GHR: variants seen among roughly 807,000 people sequenced by gnomAD.
GHR encodes GH receptor.
A neutral mutation model predicts 67.1 loss-of-function variants in GHR; 35 were observed. The ratio of observed to expected loss-of-function variants is 0.52; its 90% confidence interval spans 0.40 to 0.69. The LOEUF (loss-of-function observed/expected upper bound fraction) is 0.69. Ranked by LOEUF, GHR falls within the 30% of genes least tolerant of loss-of-function variation. The probability of loss-of-function intolerance (pLI) is 0.00; values close to 1 mark genes in which losing one functional copy is unlikely to be tolerated. For missense variants in GHR, 792 were observed against 764.6 expected, an observed-to-expected ratio of 1.04 and a Z score of -0.42; for synonymous variants, 272 against 269.1, an observed-to-expected ratio of 1.01 and a Z score of -0.10.
intron 1 of GHR, among the ~76,000 whole-genome samples, chr5:42,489,965 C>G (rs1746044094): frequency 6.6e-6 from 1 of 151,950 alleles, no homozygotes. Flanking sequence ...AAAACAATTT[C>G]AGTAGATTCT....
chr5:42,525,174 C>T (rs1320393870), intron 1 of GHR, among the ~76,000 whole-genome samples: 3 of 152,150 alleles, frequency 2.0e-5, no homozygotes, highest in Non-Finnish European at 2.9e-5. Context: ...CTGGAAAAGC[C>T]GCAGTCACTC....
chr5:42,616,371 T>G (rs1044835972), intron 2 of GHR, among the ~76,000 whole-genome samples: 2 of 151,994 alleles, frequency 1.3e-5, no homozygotes, highest in African/African-American at 4.8e-5. Flanking sequence ...TTAAATGAGT[T>G]GGAAGGAGTT....
chr5:42,659,297 T>C (rs2112854016), intron 3 of GHR: 1 of 152,322 alleles, frequency 6.6e-6, no homozygotes, highest in South Asian at 2.1e-4. Context: ...AAAGACTGTG[T>C]TCTTTCTGCT....
chr5:42,534,962 C>T (rs1748191894), intron 1 of GHR, among the ~76,000 whole-genome samples: 1 of 151,766 alleles, frequency 6.6e-6, no homozygotes, highest in Non-Finnish European at 1.5e-5. Flanking sequence ...TGTATATCTT[C>T]TTTTGAGAAT....
At chr5:42,553,409 C>T (rs533250135) in intron 1 of GHR, among the ~76,000 whole-genome samples, 1 of 152,286 alleles carries the variant, frequency 6.6e-6, no homozygotes, top group South Asian at 2.1e-4. Flanking sequence ...CATTGCATCT[C>T]ATGGTTTCTG....
chr5:42,481,922 G>T (rs1270052431), intron 1 of GHR, among the ~76,000 whole-genome samples: 1 of 152,008 alleles, frequency 6.6e-6, no homozygotes. Flanking sequence ...TCCATTGCTG[G>T]TGAGGAGCTG....
At chr5:42,427,539 G>A (rs1178199485) in intron 1 of GHR, among the ~76,000 whole-genome samples, 1 of 152,178 alleles carries the variant, frequency 6.6e-6, no homozygotes, top group Admixed American at 6.5e-5. Flanking sequence ...CATTTGGGTG[G>A]AGACAAAGCC....
At chr5:42,612,181 A>G (rs935858342) in intron 2 of GHR, among the ~76,000 whole-genome samples, 4 of 152,248 alleles carry the variant, frequency 2.6e-5, no homozygotes, top group African/African-American at 9.6e-5. Context: ...TCTTTCTGAC[A>G]TTTGTCTGAA....
chr5:42,587,386 G>A (rs1379853394), intron 2 of GHR, among the ~76,000 whole-genome samples: 2 of 152,160 alleles, frequency 1.3e-5, no homozygotes, highest in Non-Finnish European at 2.9e-5. Flanking sequence ...TTGGTAACTT[G>A]GGAGGTTTTC....
intron 1 of GHR, among the ~76,000 whole-genome samples, chr5:42,527,770 C>G (rs1488088485): frequency 6.6e-6 from 1 of 152,156 alleles, no homozygotes. Flanking sequence ...CTCATCACCA[C>G]GTGGCACATA....
rs79318811 is a variant in GHR, at chr5:42,652,762, C to T, written c.136+23659C>T. ...GGTAGGTACTGTTATCCCTCTTTAA[C>T]AGATAAAGAGACTGAGGCACAAGGA... is the stretch of plus-strand genomic sequence containing the variant. On this transcript the variant is annotated intron_variant, in intron 3 of 9. Transcript: ENST00000230882. 2.6e-3 allele frequency among the ~76,000 whole-genome samples: 395 copies of T among 152,240 alleles called. 2 individuals are homozygous for T. The highest frequency in any genetic ancestry group is 9.2e-3 in the African/African-American group (382 of 41,548).
chr5:42,707,535 A>G (rs994396163), intron 6 of GHR, among the ~76,000 whole-genome samples: 2 of 151,966 alleles, frequency 1.3e-5, no homozygotes, highest in Admixed American at 6.6e-5. Flanking sequence ...GAATGTGTAG[A>G]TTGGCTTGGG....
At chr5:42,686,662 T>A (rs1419973257) in intron 3 of GHR, among the ~76,000 whole-genome samples, 1 of 152,192 alleles carries the variant, frequency 6.6e-6, no homozygotes, top group Non-Finnish European at 1.5e-5. Context: ...TAACTAGGTA[T>A]TCATGGAATG....
chr5:42,635,934 G>C (rs1754156641), intron 3 of GHR, among the ~76,000 whole-genome samples: 1 of 151,882 alleles, frequency 6.6e-6, no homozygotes, highest in Non-Finnish European at 1.5e-5. Context: ...TTTTAGGCCA[G>C]ACGCGGTGGC....
intron 3 of GHR, among the ~76,000 whole-genome samples, chr5:42,638,126 A>G (rs1362634313): frequency 1.3e-5 from 2 of 151,984 alleles, no homozygotes; most frequent in African/African-American, 2.4e-5. Flanking sequence ...TTTTTAGTAG[A>G]GACGGGATTT....
At chr5:42,626,915 C>A (rs779711095) in intron 2 of GHR, among the ~76,000 whole-genome samples, 4 of 152,126 alleles carry the variant, frequency 2.6e-5, no homozygotes, top group Non-Finnish European at 5.9e-5. Context: ...CTTTCACCAC[C>A]AAGCCCAGAC....
chr5:42,444,026 G>A (rs944543363), intron 1 of GHR, among the ~76,000 whole-genome samples: 27 of 151,866 alleles, frequency 1.8e-4, no homozygotes, highest in Non-Finnish European at 4.4e-5. Context: ...TATAGATATA[G>A]ATAATGGATA....
At chr5:42,464,349 G>A (rs960969904) in intron 1 of GHR, among the ~76,000 whole-genome samples, 13 of 152,188 alleles carry the variant, frequency 8.5e-5, no homozygotes, top group Non-Finnish European at 1.2e-4. Context: ...TTTATCTGAA[G>A]CAGAAAGTTG....
chr5:42,641,201 T>C (rs151006945), intron 3 of GHR, among the ~76,000 whole-genome samples: 2 of 117,740 alleles, frequency 1.7e-5, no homozygotes, highest in Non-Finnish European at 3.5e-5. Context: ...GTGTACACCT[T>C]TGAAAAAGGT....
Sources: allele counts gnomAD v4.1 joint callset (sites outside exome capture counted in the v4.1 genomes callset), GRCh38; gene constraint gnomAD v4.1.1; transcripts MANE v1.5; gene names NCBI Gene and HGNC (gene_info 2026-07-23, HGNC 2026-07-21).